PARD3B: variants seen among roughly 807,000 people sequenced by gnomAD.
PARD3B encodes the protein par-3 family cell polarity regulator beta, also known as partitioning defective 3 homolog B.
Under a neutral mutation model 130.2 loss-of-function variants are expected in PARD3B, and 103 were observed. The ratio of observed to expected loss-of-function variants is 0.79; its 90% CI spans 0.67 to 0.93. PARD3B has a LOEUF of 0.93. Ranked by LOEUF, PARD3B falls within the 40% of genes least tolerant of loss-of-function variation. The pLI is 0.00. For missense variants in PARD3B, 1,609 were observed against 1,499.2 expected (o/e 1.07, Z -1.21); for synonymous variants, 583 against 553.2 (o/e 1.05, Z -0.76).
chr2:205,021,703 T>C lies in PARD3B; in HGVS notation c.395-25878T>C, dbSNP rs914387430. ...CAATGACCCTGTGTCTTTCTTTGGA[T>C]AGAAATTTAAAATAAACTTCCATTT... On this transcript the variant is annotated intron_variant, in intron 3 of 22. Coordinates refer to ENST00000406610, the MANE Select transcript of PARD3B (RefSeq NM_001302769.2). The surrounding 1 kb of genome is among the most constrained non-coding windows in gnomAD (Gnocchi z 4.5). 2.0e-5 allele frequency among the ~76,000 whole-genome samples: 3 copies of C among 151,592 alleles called. No homozygotes were observed. The highest frequency in any genetic ancestry group is 4.4e-5 in the Non-Finnish European group (3 of 67,946).
Position 205,463,745 on chromosome 2 carries a change from G to C in PARD3B, c.3044+23073G>C, listed in dbSNP as rs903903638. On this transcript the variant is annotated intron_variant, in intron 20 of 22. Transcript: ENST00000406610. The surrounding 1 kb of genome is among the most constrained non-coding windows in gnomAD (Gnocchi z 4.8). ...ACTTGCACGCTGAGACTGAAATCCT[G>C]AAAGATTGTGGCCTGTTTACTGGGA... 6.6e-6 allele frequency among the ~76,000 whole-genome samples: 1 copy of C among 152,208 alleles called. No individual in the cohort carries two copies. The highest frequency in any genetic ancestry group is 6.5e-5 in the Admixed American group (1 of 15,272).
intron 4 of PARD3B, among the ~76,000 whole-genome samples, chr2:205,066,438 CTT>C (rs1432316542): frequency 1.3e-5 from 2 of 152,186 alleles, no homozygotes; most frequent in Non-Finnish European, 2.9e-5. Context: ...ACAGATAATT[CTT>C]GTTATTTCTA....
intron 21 of PARD3B, among the ~76,000 whole-genome samples, chr2:205,504,906 T>C (rs924450703): frequency 6.6e-6 from 1 of 152,162 alleles, no homozygotes; most frequent in Non-Finnish European, 1.5e-5. Context: ...ACCCAAAGGA[T>C]TATAAATCAT....
chr2:205,583,738 G>A (rs566191053), intron 22 of PARD3B, among the ~76,000 whole-genome samples: 1 of 152,274 alleles, frequency 6.6e-6, no homozygotes, highest in African/African-American at 2.4e-5. Flanking sequence ...TGGACGAATT[G>A]GAACAACCAT....
rs1455688020 is a variant in PARD3B at position 205,187,937 on chromosome 2, A to G, written c.2024+2074A>G. 2.6e-5 allele frequency among the ~76,000 whole-genome samples: 4 copies of G among 152,200 alleles called. No homozygotes were observed. Among genetic ancestry groups the G allele is most frequent in the Admixed American group, 6.5e-5 (1 of 15,286 alleles). On this transcript the variant is annotated intron_variant, in intron 14 of 22. Transcript: ENST00000406610. This position sits in a 1 kb window ranked among gnomAD's most constrained non-coding sequence, Gnocchi z 4.9. ...TTCCACTCTGCAGTATTTGGTTATT[A>G]AGTCATTTATTCACTTACTCATCCA...
intron 4 of PARD3B, among the ~76,000 whole-genome samples, chr2:205,058,113 C>T (rs949704777): frequency 2.0e-5 from 3 of 151,670 alleles, no homozygotes; most frequent in Non-Finnish European, 2.9e-5. Context: ...TACTTTTTCT[C>T]CCTATGATTT....
intron 4 of PARD3B, among the ~76,000 whole-genome samples, chr2:205,088,125 G>A (rs1178827339): frequency 3.3e-5 from 5 of 152,088 alleles, no homozygotes; most frequent in East Asian, 3.9e-4. Context: ...CTGAGTTCCC[G>A]CAGTGAGGCC....
In PARD3B at chr2:205,122,913, G is replaced by A. The variant is rs2030921011; in HGVS notation, c.1165+964G>A. ...ATACTTCAGTGTGCTTATCAATCAG[G>A]TTTTTTATTTAAATGCCTCAGTTGT... is the stretch of plus-strand genomic sequence containing the variant. On this transcript the variant is annotated intron_variant, in intron 8 of 22. Transcript: ENST00000406610. The surrounding 1 kb of genome is among the most constrained non-coding windows in gnomAD (Gnocchi z 4.3). Among the ~76,000 whole-genome samples the A allele has an allele frequency of 6.6e-6, 1 of 152,102 alleles. No homozygotes were observed. The highest frequency in any genetic ancestry group is 1.5e-5 in the Non-Finnish European group (1 of 68,016).
intron 15 of PARD3B, among the ~76,000 whole-genome samples, chr2:205,242,235 T>C (rs943306166): frequency 9.2e-5 from 14 of 152,188 alleles, no homozygotes; most frequent in Admixed American, 8.5e-4. Flanking sequence ...ACAATGTTTT[T>C]CAAATAGTTT....
chr2:205,035,967 G>T (rs1697835318), intron 3 of PARD3B, among the ~76,000 whole-genome samples: 1 of 139,950 alleles, frequency 7.1e-6, no homozygotes. Flanking sequence ...TACATATAGG[G>T]GACTATTTAT....
intron 2 of PARD3B, among the ~76,000 whole-genome samples, chr2:204,878,643 G>T (rs1324788427): frequency 6.6e-6 from 1 of 152,104 alleles, no homozygotes; most frequent in Non-Finnish European, 1.5e-5. Context: ...TAAAGTGCCC[G>T]AGTCTATTTT....
rs1338372424 is a variant in PARD3B at position 205,564,363 on chromosome 2, C to A, written c.3260+10960C>A. On this transcript the variant is annotated intron_variant, in intron 22 of 22. Coordinates refer to ENST00000406610, the MANE Select transcript of PARD3B (RefSeq NM_001302769.2). The surrounding 1 kb of genome is among the most constrained non-coding windows in gnomAD (Gnocchi z 4.6). ...AGGCTTTCAGAATGACTAAGAACAG[C>A]AACCACTGAATCACAGAACTCCTCT... Among the ~76,000 whole-genome samples, 1 of 152,200 alleles carries A rather than the reference C, an allele frequency of 6.6e-6. No homozygotes were observed.
intron 18 of PARD3B, among the ~76,000 whole-genome samples, chr2:205,359,263 C>T (rs989918306): frequency 6.6e-6 from 1 of 152,186 alleles, no homozygotes; most frequent in African/African-American, 2.4e-5. Flanking sequence ...ATCTGTTCTG[C>T]TTTTAGGACA....
chr2:205,584,341 A>G lies in PARD3B; in HGVS notation c.3260+30938A>G, dbSNP rs2054112753. ...TTGGGTTAAGTAAAATAAATTATTA[A>G]AATTAGTTTTACTTTTGAATGTGGA... On this transcript the variant is annotated intron_variant, in intron 22 of 22. Coordinates refer to ENST00000406610, the MANE Select transcript of PARD3B (RefSeq NM_001302769.2). This position sits in a 1 kb window ranked among gnomAD's most constrained non-coding sequence, Gnocchi z 5.5. Among the ~76,000 whole-genome samples the G allele has an allele frequency of 6.6e-6, 1 of 152,208 alleles. No homozygotes were observed. Among genetic ancestry groups the G allele is most frequent in the Non-Finnish European group, 1.5e-5 (1 of 68,048 alleles).
intron 2 of PARD3B, among the ~76,000 whole-genome samples, chr2:204,725,838 C>G (rs1263823842): frequency 3.3e-5 from 5 of 152,180 alleles, no homozygotes; most frequent in Admixed American, 6.6e-5. Flanking sequence ...GTAAATGTTT[C>G]AAGGACAATT....
chr2:204,910,013 G>C (rs1192442559), intron 2 of PARD3B, among the ~76,000 whole-genome samples: 3 of 152,046 alleles, frequency 2.0e-5, no homozygotes, highest in Non-Finnish European at 4.4e-5. Flanking sequence ...TGTATAAGCT[G>C]TTTAGATGAT....
chr2:205,083,007 C>T (rs1384652411), intron 4 of PARD3B, among the ~76,000 whole-genome samples: 1 of 150,958 alleles, frequency 6.6e-6, no homozygotes. Context: ...GCAACCTCTG[C>T]CTACTGGGTT....
intron 5 of PARD3B, among the ~76,000 whole-genome samples, chr2:205,109,837 AG>A (rs1261798494): frequency 2.6e-5 from 4 of 151,964 alleles, no homozygotes; most frequent in Non-Finnish European, 5.9e-5. Flanking sequence ...TATTTTTAGT[AG>A]AGATGGTGTT....
rs185295602 is a variant in PARD3B, at chr2:205,457,125, T to A, written c.3044+16453T>A. ...AGTGAAATCATCTGGGCCTGGAGAG[T>A]TCTTTTTTATGAGGTTTTTAATTAT... On this transcript the variant is annotated intron_variant, in intron 20 of 22. Transcript: ENST00000406610. Among the ~76,000 whole-genome samples the A allele has an allele frequency of 3.6e-4, 55 of 151,818 alleles. No individual in the cohort carries two copies. The East Asian group carries it at 8.5e-3, about 23-fold the overall frequency.
Sources: allele counts gnomAD v4.1 joint callset (sites outside exome capture counted in the v4.1 genomes callset), GRCh38; gene constraint gnomAD v4.1.1; non-coding constraint Gnocchi (gnomAD v3.1); transcripts MANE v1.5; gene names NCBI Gene and HGNC (gene_info 2026-07-23, HGNC 2026-07-21).